GPBP1: variants seen among roughly 807,000 people sequenced by gnomAD.
GPBP1 encodes the protein vasculin.
In GPBP1, 13 loss-of-function variants were observed where a neutral mutation model predicts 56.5. That is an observed-to-expected ratio of 0.23 (90% CI 0.15 to 0.37). The LOEUF is 0.37. Ranked by LOEUF, GPBP1 falls within the 10% of genes least tolerant of loss-of-function variation. GPBP1 has a pLI of 1.00. For synonymous variants in GPBP1, 204 were observed against 188.9 expected (o/e 1.08, Z -0.66); for missense variants, 477 against 572.3 (o/e 0.83, Z 1.70).
At chr5:57,183,250 C>T (rs1245190523) in intron 2 of GPBP1, among the ~76,000 whole-genome samples, 1 of 152,040 alleles carries the variant, frequency 6.6e-6, no homozygotes, top group Admixed American at 6.6e-5. Flanking sequence ...GCCTGTAATC[C>T]CAGCTACTTG....
chr5:57,192,720 T>C (rs1176110877), intron 2 of GPBP1, among the ~76,000 whole-genome samples: 1 of 128,670 alleles, frequency 7.8e-6, no homozygotes, highest in East Asian at 2.2e-4. Context: ...GCCATTGCAC[T>C]CCGGTCTGGG....
chr5:57,241,331 C>T (rs1740815288), intron 6 of GPBP1, among the ~76,000 whole-genome samples: 3 of 152,130 alleles, frequency 2.0e-5, no homozygotes, highest in South Asian at 2.1e-4. Context: ...TGGGCCAGTT[C>T]CCCGTCATCA....
At chr5:57,242,789 G>A (rs886994785) in intron 6 of GPBP1, among the ~76,000 whole-genome samples, 3 of 152,014 alleles carry the variant, frequency 2.0e-5, no homozygotes, top group African/African-American at 7.2e-5. Context: ...TCACACTGTC[G>A]CCCTGGCTGG....
chr5:57,244,598 C>T (rs1351468694), intron 6 of GPBP1, among the ~76,000 whole-genome samples: 1 of 152,118 alleles, frequency 6.6e-6, no homozygotes, highest in Non-Finnish European at 1.5e-5. Context: ...GATTTTCTCT[C>T]ACATTTTATT....
intron 11 of GPBP1, among the ~76,000 whole-genome samples, 156 bp downstream of exon 11, chr5:57,261,438 A>T (rs113380949): frequency 6.6e-6 from 1 of 151,898 alleles, no homozygotes; most frequent in Non-Finnish European, 1.5e-5. Context: ...GGCTTTTGCT[A>T]TGGTGTCCAG....
chr5:57,239,619 A>G (rs1489706779), intron 6 of GPBP1, among the ~76,000 whole-genome samples: 1 of 152,150 alleles, frequency 6.6e-6, no homozygotes, highest in Non-Finnish European at 1.5e-5. Flanking sequence ...GTTTCTACTA[A>G]AAATACAAAA....
At chr5:57,249,599 T>C (rs1336132207) in intron 9 of GPBP1, 23 bp downstream of exon 9, 2 of 1,571,386 alleles carry the variant, frequency 1.3e-6, no homozygotes, top group African/African-American at 1.4e-5. Flanking sequence ...ATAGCAATAC[T>C]TGATTTGACA....
intron 2 of GPBP1, among the ~76,000 whole-genome samples, chr5:57,202,602 A>T (rs887195737): frequency 8.6e-5 from 13 of 151,994 alleles, no homozygotes; most frequent in South Asian, 4.2e-4. Flanking sequence ...TTTTTTTTTT[A>T]AAAAGCTTAT....
chr5:57,258,693 G>T (rs1341783496), intron 10 of GPBP1, among the ~76,000 whole-genome samples: 2 of 151,992 alleles, frequency 1.3e-5, no homozygotes, highest in Non-Finnish European at 2.9e-5. Context: ...TGTTGCCCAG[G>T]CTGGTCTTAA....
chr5:57,230,789 GT>G, intron 3 of GPBP1, 56 bp from the exon 4 acceptor site: 1 of 1,461,928 alleles, frequency 6.8e-7, no homozygotes, highest in East Asian at 2.3e-5. Context: ...AGTATTACTA[GT>G]TTTTAAAGTT....
chr5:57,238,561 A>T (rs994880937), intron 6 of GPBP1, among the ~76,000 whole-genome samples: 2 of 151,316 alleles, frequency 1.3e-5, no homozygotes, highest in South Asian at 2.1e-4. Flanking sequence ...TCCGTCTCAA[A>T]AAATAAATAA....
Position 57,246,357 on chromosome 5 carries a change from A to G in GPBP1, c.536A>G (p.Asn179Ser), listed in dbSNP as rs771836426. 4 of 1,613,742 alleles carry G rather than the reference A, an allele frequency of 2.5e-6. No homozygotes were observed. Among genetic ancestry groups the G allele is most frequent in the African/African-American group, 1.3e-5 (1 of 74,912 alleles). Residue 179 changes from asparagine to serine, a missense_variant, in exon 7 of 12, where the codon AAT (asparagine) becomes AGT (serine). This residue lies in a region of GPBP1 where 414 missense variants were observed against 458.2 expected (regional missense o/e 0.90). Transcript: ENST00000506184. ...APRMLVIKKG[N>S]TKDLQLSGFP... ...AGGATGCTGGTCATTAAGAAAGGTAATACAAAAGACTTACAGCTATCTGGA... is the reference window on the plus strand; with the variant it reads ...AGGATGCTGGTCATTAAGAAAGGTAGTACAAAAGACTTACAGCTATCTGGA...
intron 2 of GPBP1, among the ~76,000 whole-genome samples, chr5:57,211,574 AT>A (rs202051816): frequency 5.1e-4 from 59 of 116,288 alleles, no homozygotes; most frequent in African/African-American, 1.7e-3. Context: ...GCCTCCGGGG[AT>A]TTTGTTGTTG....
intron 2 of GPBP1, among the ~76,000 whole-genome samples, chr5:57,196,196 ACT>A (rs764611046): frequency 6.6e-6 from 1 of 151,632 alleles, no homozygotes; most frequent in Non-Finnish European, 1.5e-5. Context: ...AGAGCCAAGG[ACT>A]CTCTTTTTGG....
Position 57,209,332 on chromosome 5 carries a change from C to T in GPBP1, c.-57-4742C>T, listed in dbSNP as rs187290927. Among the ~76,000 whole-genome samples the T allele has an allele frequency of 5.2e-3, 787 of 152,262 alleles. 17 individuals are homozygous for T. The highest frequency in any genetic ancestry group is 4.9e-3 in the Non-Finnish European group (336 of 68,032). ...ATACGACACTGTCTCACTATGTTCC[C>T]CAGGCTGGAGTGTAGTGCTTTTCAC... On this transcript the variant is annotated intron_variant, in intron 2 of 11. Transcript: ENST00000506184.
chr5:57,194,293 A>G (rs1037799793), intron 2 of GPBP1, among the ~76,000 whole-genome samples: 2 of 152,236 alleles, frequency 1.3e-5, no homozygotes, highest in Admixed American at 6.5e-5. Flanking sequence ...GATAATGCCC[A>G]GTTGTTCTCC....
rs147499388 is a variant in GPBP1 at position 57,221,317 on chromosome 5, G to C, written c.63+7124G>C. The C allele has an allele frequency of 4.0e-3, 4,956 of 1,228,076 alleles. 244 individuals are homozygous for C. In the Admixed American group the frequency reaches 0.093, roughly 23 times the overall value. The allele number at this position is 1,228,076 out of a possible 1,614,324, so 76.1% of individuals were successfully genotyped here. ...TAGTTTTTTCTTTTGTGATTTTCTAGTTTTTTTAAATTCCATTAAATAATG... is the reference window on the plus strand; with the variant it reads ...TAGTTTTTTCTTTTGTGATTTTCTACTTTTTTTAAATTCCATTAAATAATG... On this transcript the variant is annotated intron_variant, in intron 3 of 11. Coordinates refer to ENST00000506184, the MANE Select transcript of GPBP1 (RefSeq NM_022913.4).
chr5:57,193,714 A>G (rs1249891324), intron 2 of GPBP1, among the ~76,000 whole-genome samples: 2 of 151,836 alleles, frequency 1.3e-5, no homozygotes, highest in Non-Finnish European at 2.9e-5. Flanking sequence ...AATTGTTGGA[A>G]CTTGTTTCCT....
chr5:57,177,768 T>C (rs1753855958), intron 2 of GPBP1, among the ~76,000 whole-genome samples: 1 of 148,440 alleles, frequency 6.7e-6, no homozygotes, highest in Non-Finnish European at 1.5e-5. Flanking sequence ...CCCAAAGTGC[T>C]GGGATTATAG....
Sources: allele counts gnomAD v4.1 joint callset (sites outside exome capture counted in the v4.1 genomes callset), GRCh38; gene constraint gnomAD v4.1.1; regional missense constraint gnomAD v4.1.1; transcripts MANE v1.5; gene names NCBI Gene and HGNC (gene_info 2026-07-23, HGNC 2026-07-21).